Variants in AGBL1 observed in about 807,000 individuals in gnomAD.
AGBL1 encodes the protein AGBL carboxypeptidase 1, also known as cytosolic carboxypeptidase 4.
In AGBL1, 130 loss-of-function variants were observed where a neutral mutation model predicts 118.9. That is an observed-to-expected ratio of 1.09 (90% CI 0.95 to 1.26). The LOEUF is 1.26. Among genes scored for constraint, AGBL1 ranks in the 50% most tolerant of loss-of-function variants. The pLI, the probability that AGBL1 is intolerant of heterozygous loss-of-function variation, is 0.00. For missense variants in AGBL1, 1,584 were observed against 1,298.1 expected (o/e 1.22, Z -3.38); for synonymous variants, 555 against 478.9 (o/e 1.16, Z -2.08).
intron 24 of AGBL1, among the ~76,000 whole-genome samples, chr15:86,996,269 C>G (rs1213442329): frequency 6.6e-6 from 1 of 152,150 alleles, no homozygotes; most frequent in Non-Finnish European, 1.5e-5. Flanking sequence ...CCAGATCAAG[C>G]AGCAGATTCT....
intron 21 of AGBL1, among the ~76,000 whole-genome samples, chr15:86,620,949 G>C (rs983069267): frequency 6.6e-6 from 1 of 152,110 alleles, no homozygotes; most frequent in African/African-American, 2.4e-5. Context: ...TTTCCCTCCA[G>C]TTAAATCTCT....
At chr15:86,991,416 G>C (rs1567275820) in intron 24 of AGBL1, among the ~76,000 whole-genome samples, 2 of 151,792 alleles carry the variant, frequency 1.3e-5, no homozygotes, top group Non-Finnish European at 2.9e-5. Context: ...GGCCCCTTAT[G>C]TACTTTTTGT....
In AGBL1 at chr15:86,852,093, C is replaced by T. The variant is rs539324212; in HGVS notation, c.3159-54994C>T. 2.3e-4 allele frequency among the ~76,000 whole-genome samples: 35 copies of T among 152,134 alleles called. No individual in the cohort carries two copies. In the South Asian group the frequency reaches 3.3e-3, roughly 14 times the overall value. ...TTCACACTGCTATAAATATACTACC[C>T]GACACTGAGTAATTTATAAAGGAAA... On this transcript the variant is annotated intron_variant, in intron 22 of 22. Transcript: ENST00000614907.
chr15:86,486,912 T>A (rs1246886829), intron 18 of AGBL1, among the ~76,000 whole-genome samples: 1 of 151,996 alleles, frequency 6.6e-6, no homozygotes, highest in Non-Finnish European at 1.5e-5. Context: ...CCAGCTTGAG[T>A]CTTGGATGCC....
rs185043882 is a variant in AGBL1 at position 86,841,842 on chromosome 15, C to T, written c.3159-65245C>T. On this transcript the variant is annotated intron_variant, in intron 22 of 22. Coordinates refer to ENST00000614907, the MANE Select transcript of AGBL1 (RefSeq NM_001386094.1). ...AGCCTGGGCAACAAGAGTGAAACTC[C>T]ATCTCAAAAAATAAAAATAAAAATA... 4.0e-4 allele frequency among the ~76,000 whole-genome samples: 61 copies of T among 152,020 alleles called. 1 individual carries two copies.
intron 21 of AGBL1, among the ~76,000 whole-genome samples, chr15:86,659,704 T>A: frequency 6.6e-6 from 1 of 152,146 alleles, no homozygotes; most frequent in East Asian, 1.9e-4. Context: ...TAAACAAGGT[T>A]GGAGGCAGGC....
At chr15:86,620,229 G>A (rs1196423681) in intron 21 of AGBL1, among the ~76,000 whole-genome samples, 2 of 152,150 alleles carry the variant, frequency 1.3e-5, no homozygotes, top group African/African-American at 2.4e-5. Flanking sequence ...CAGGGCAGGA[G>A]GATTCCGGGA....
chr15:86,881,667 C>T (rs868469253), intron 22 of AGBL1, among the ~76,000 whole-genome samples: 2 of 152,256 alleles, frequency 1.3e-5, no homozygotes, highest in Middle Eastern at 6.8e-3. Context: ...TAGGGTCTCA[C>T]TGTGTCACGC....
chr15:86,614,075 A>G (rs541739202), intron 21 of AGBL1, among the ~76,000 whole-genome samples: 29 of 152,216 alleles, frequency 1.9e-4, no homozygotes, highest in Non-Finnish European at 4.1e-4. Context: ...GCAACCCAGA[A>G]CTAGTTAGCT....
intron 22 of AGBL1, among the ~76,000 whole-genome samples, chr15:86,757,000 C>G (rs1055228471): frequency 6.6e-6 from 1 of 150,890 alleles, no homozygotes; most frequent in Non-Finnish European, 1.5e-5. Flanking sequence ...AATTACTTAC[C>G]TACAGATCCC....
At chr15:86,124,237 G>A (rs1305213526) in intron 1 of AGBL1, among the ~76,000 whole-genome samples, 1 of 151,148 alleles carries the variant, frequency 6.6e-6, no homozygotes, top group Non-Finnish European at 1.5e-5. Context: ...GGCTGAGGCA[G>A]GAGAATTGCT....
chr15:86,409,147 G>A (rs1002463580), intron 18 of AGBL1, among the ~76,000 whole-genome samples: 5 of 152,096 alleles, frequency 3.3e-5, no homozygotes, highest in African/African-American at 2.4e-5. Flanking sequence ...CAGGGCATCC[G>A]CAATGCGTCT....
At chr15:86,942,425 A>G (rs114602555) in intron 23 of AGBL1, among the ~76,000 whole-genome samples, 2,122 of 152,180 alleles carry the variant, frequency 0.014, 21 homozygotes, top group African/African-American at 0.025. Context: ...TTGTTTCAGT[A>G]AAAGATATGT....
At chr15:86,336,585 G>C (rs1330639097) in intron 17 of AGBL1, among the ~76,000 whole-genome samples, 2 of 152,210 alleles carry the variant, frequency 1.3e-5, no homozygotes. Flanking sequence ...GCTGGCATCA[G>C]CATGAGGAGG....
intron 22 of AGBL1, among the ~76,000 whole-genome samples, chr15:86,682,022 T>G (rs1035463879): frequency 6.6e-5 from 10 of 152,212 alleles, no homozygotes. Context: ...AATTCCAAAT[T>G]AATGCTACGT....
At chr15:86,682,165 G>A (rs1373766019) in intron 22 of AGBL1, among the ~76,000 whole-genome samples, 3 of 152,098 alleles carry the variant, frequency 2.0e-5, no homozygotes, top group Admixed American at 2.0e-4. Context: ...GCAAATAAAT[G>A]CTACATGTTG....
At position 86,773,890 on chromosome 15, in the gene AGBL1, C is replaced by G. The variant is rs80322857; in HGVS notation, c.3158+99454C>G. Among the ~76,000 whole-genome samples the G allele has an allele frequency of 1.8e-3, 276 of 152,220 alleles. 11 individuals are homozygous for G. The East Asian group carries it at 0.051, about 28-fold the overall frequency. ...ATATACCAGCTCCACAGGAAAGCCT[C>G]TGACAGATGGGAACCTATTTAACAA... On this transcript the variant is annotated intron_variant, in intron 22 of 22. Coordinates refer to ENST00000614907, the MANE Select transcript of AGBL1 (RefSeq NM_001386094.1).
intron 9 of AGBL1, among the ~76,000 whole-genome samples, chr15:86,259,199 C>T (rs1195825840): frequency 1.3e-5 from 2 of 152,186 alleles, no homozygotes; most frequent in Non-Finnish European, 2.9e-5. Flanking sequence ...GTAGTACCTA[C>T]CTCATTACCC....
chr15:86,940,060 CTTTTTTTTTTT>C (rs5814267), intron 23 of AGBL1, among the ~76,000 whole-genome samples: 1 of 59,418 alleles, frequency 1.7e-5, no homozygotes, highest in Non-Finnish European at 3.1e-5. Flanking sequence ...TTTGGTAGTC[CTTTTTTTTTTT>C]TTTTTTTTTT....
Sources: allele counts gnomAD v4.1 joint callset (sites outside exome capture counted in the v4.1 genomes callset), GRCh38; gene constraint gnomAD v4.1.1; transcripts MANE v1.5; gene names NCBI Gene and HGNC (gene_info 2026-07-23, HGNC 2026-07-21).